Variants in RNF216 observed in about 807,000 individuals in gnomAD.
RNF216 encodes the protein ring finger protein 216.
In RNF216, 72 loss-of-function variants were observed where a neutral mutation model predicts 110.8. The observed-to-expected ratio is 0.65, with a 90% CI of 0.54 to 0.79. The LOEUF is 0.79. RNF216 is among the 30% of genes least tolerant of loss of function. The pLI, the probability that RNF216 is intolerant of heterozygous loss-of-function variation, is 0.00. For synonymous variants in RNF216, 495 were observed against 407.5 expected (o/e 1.21, Z -2.59); for missense variants, 1,342 against 1,141.2 (o/e 1.18, Z -2.54).
rs1200766869 is a variant in RNF216 at position 5,630,807 on chromosome 7, A to C, written c.2383-6682T>G. ...ACCTCACATGGACCTCAGTTTCACC[A>C]CAGCTCCCTGAGTCAGGCACTATGA... On this transcript the variant is annotated intron_variant, in intron 15 of 16. Transcript: ENST00000389902. 2.6e-5 allele frequency among the ~76,000 whole-genome samples: 4 copies of C among 152,252 alleles called. No homozygotes were observed. The South Asian group carries it at 6.2e-4, about 24-fold the overall frequency.
rs191045505 is a variant in RNF216 at position 5,711,610 on chromosome 7, A to C, written c.2061+151T>G. The C allele has an allele frequency of 1.6e-4, 106 of 664,390 alleles. No homozygotes were observed. In the African/African-American group the frequency reaches 1.9e-3, roughly 12 times the overall value. The allele number at this position is 664,390 out of a possible 1,614,324, so 41.2% of individuals were successfully genotyped here. ...AGTAACCATGTCAACCGTTACTCAC[A>C]AAGTACTCGTCCTCATTTGCTTATG... On this transcript the variant is annotated intron_variant, in intron 13 of 16. Transcript: ENST00000389902.
chr7:5,644,537 ACT>A (rs1366336416), intron 14 of RNF216, among the ~76,000 whole-genome samples: 2 of 150,928 alleles, frequency 1.3e-5, no homozygotes, highest in South Asian at 2.1e-4. Flanking sequence ...ACAGAGTCTC[ACT>A]CTGTCATCCA....
At chr7:5,754,895 G>A (rs927447359) in intron 2 of RNF216, among the ~76,000 whole-genome samples, 2 of 152,004 alleles carry the variant, frequency 1.3e-5, no homozygotes, top group Non-Finnish European at 2.9e-5. Context: ...GGGTGTGGTG[G>A]CATGCAACTG....
intron 13 of RNF216, among the ~76,000 whole-genome samples, chr7:5,685,220 C>T (rs1032715116): frequency 6.6e-6 from 1 of 152,218 alleles, no homozygotes; most frequent in Non-Finnish European, 1.5e-5. Context: ...GGTAGCTCCC[C>T]TGGCTGTGGT....
At chr7:5,641,430 A>G (rs1271802632) in intron 14 of RNF216, 54 bp from the exon 15 acceptor site, 15 of 1,371,606 alleles carry the variant, frequency 1.1e-5, no homozygotes, top group Non-Finnish European at 1.5e-5. Flanking sequence ...GAGGAAAAAA[A>G]TATGGCCATT....
At chr7:5,776,416 T>G (rs778492488) in intron 1 of RNF216, among the ~76,000 whole-genome samples, 18 of 140,584 alleles carry the variant, frequency 1.3e-4, no homozygotes, top group Non-Finnish European at 2.2e-4. Context: ...ACCCCGTCTC[T>G]ACTTAAAAAA....
intron 1 of RNF216, among the ~76,000 whole-genome samples, chr7:5,781,068 C>G (rs1402883770): frequency 6.6e-6 from 1 of 152,194 alleles, no homozygotes; most frequent in Admixed American, 6.5e-5. Context: ...TTTCGCGGAA[C>G]ACGCGCTCCA....
rs777743803 is a variant in RNF216, at chr7:5,652,497, T to G, written c.2075A>C (p.Lys692Thr). The G allele has an allele frequency of 1.2e-6, 2 of 1,612,944 alleles. No homozygotes were observed. The highest frequency in any genetic ancestry group is 2.7e-5 in the African/African-American group (2 of 74,904). Residue 692 changes from lysine to threonine, a missense_variant, in exon 14 of 17, where the codon AAG becomes ACG. By Grantham distance (78) the Lys-to-Thr change is moderately conservative. Coordinates refer to ENST00000389902, the MANE Select transcript of RNF216 (RefSeq NM_207111.4). ...NPHCRKETCR[K>T]CQGLWKEHNG... ...ATGTTCTTTCCAGAGTCCCTGACAC[T>G]TCCTACAGGTTTCCTGGGGATAAAG...
At chr7:5,771,463 C>A (rs959505872) in intron 1 of RNF216, among the ~76,000 whole-genome samples, 1 of 151,986 alleles carries the variant, frequency 6.6e-6, no homozygotes, top group Non-Finnish European at 1.5e-5. Context: ...GGCAAGCCAC[C>A]AGGAGAAAAT....
intron 3 of RNF216, among the ~76,000 whole-genome samples, chr7:5,744,951 G>C (rs1794955609): frequency 6.6e-6 from 1 of 150,852 alleles, no homozygotes. Flanking sequence ...CAGCCTGGGT[G>C]ACAGAGCAAA....
At chr7:5,736,111 C>T (rs370281330) in intron 5 of RNF216, among the ~76,000 whole-genome samples, 40 of 46,230 alleles carry the variant, frequency 8.7e-4, no homozygotes, top group Middle Eastern at 0.023. Context: ...ATAAATAGCT[C>T]TCCCTCTCCC....
chr7:5,766,578 G>A (rs1397652531), intron 1 of RNF216, among the ~76,000 whole-genome samples: 2 of 152,196 alleles, frequency 1.3e-5, no homozygotes, highest in African/African-American at 4.8e-5. Context: ...TCCAGGAAGA[G>A]AGAACTAACC....
intron 16 of RNF216, among the ~76,000 whole-genome samples, chr7:5,623,780 T>A (rs567229465): frequency 6.6e-6 from 1 of 152,290 alleles, no homozygotes; most frequent in East Asian, 1.9e-4. Flanking sequence ...TACTTTTCTT[T>A]AGCCAGGTGT....
intron 13 of RNF216, among the ~76,000 whole-genome samples, chr7:5,689,202 G>A (rs530683651): frequency 1.8e-4 from 27 of 152,128 alleles, no homozygotes; most frequent in South Asian, 8.3e-4. Flanking sequence ...TGGGGAGGTG[G>A]ATGCTTGACG....
chr7:5,656,461 G>C (rs1451474386), intron 13 of RNF216, among the ~76,000 whole-genome samples: 1 of 152,164 alleles, frequency 6.6e-6, no homozygotes, highest in Admixed American at 6.5e-5. Flanking sequence ...CATCGCGCGG[G>C]ACCACACTTT....
chr7:5,778,265 C>T (rs1201979270), intron 1 of RNF216, among the ~76,000 whole-genome samples: 3 of 152,172 alleles, frequency 2.0e-5, no homozygotes. Flanking sequence ...TCCTTCCTTC[C>T]ACTGCAGGCT....
intron 13 of RNF216, among the ~76,000 whole-genome samples, chr7:5,669,645 C>A (rs1245214217): frequency 6.6e-6 from 1 of 152,176 alleles, no homozygotes; most frequent in East Asian, 1.9e-4. Flanking sequence ...GTAATCCCAG[C>A]ACTTTGGGAG....
chr7:5,721,982 G>T (rs1457383891), intron 8 of RNF216, among the ~76,000 whole-genome samples: 1 of 152,202 alleles, frequency 6.6e-6, no homozygotes, highest in Admixed American at 6.5e-5. Flanking sequence ...GAGTGCAGTG[G>T]CACATTCACA....
At chr7:5,753,205 G>A (rs767510241) in intron 2 of RNF216, among the ~76,000 whole-genome samples, 2 of 152,146 alleles carry the variant, frequency 1.3e-5, no homozygotes. Flanking sequence ...CAATTACTAT[G>A]CTCAAGATTA....
Sources: gnomAD v4.1 joint callset for allele counts (sites outside exome capture counted in the v4.1 genomes callset) on GRCh38, gnomAD v4.1.1 for gene constraint, MANE v1.5 for transcripts, NCBI Gene and HGNC (gene_info 2026-07-23, HGNC 2026-07-21) for gene names.